C3orf70: variants seen among roughly 807,000 people sequenced by gnomAD.
C3orf70 encodes the protein UPF0524 protein C3orf70.
A neutral mutation model predicts 20.7 loss-of-function variants in C3orf70; 15 were observed. The observed-to-expected ratio is 0.72, with a 90% CI of 0.48 to 1.11. The LOEUF (loss-of-function observed/expected upper bound fraction) is 1.11, where lower values mean the gene tolerates loss of function less well. C3orf70 is among the 50% of genes most tolerant of loss of function. C3orf70 has a pLI of 0.00. For synonymous variants in C3orf70, 161 were observed against 125.7 expected (o/e 1.28, Z -1.88); for missense variants, 332 against 317.6 (o/e 1.05, Z -0.34).
intron 1 of C3orf70, among the ~76,000 whole-genome samples, chr3:185,084,193 ACAAC>A (rs1488827085): frequency 2.0e-5 from 3 of 150,484 alleles, no homozygotes; most frequent in Non-Finnish European, 4.4e-5. Context: ...AAAAAAAAAA[ACAAC>A]CAAGTTGTAA....
intron 1 of C3orf70, among the ~76,000 whole-genome samples, chr3:185,149,259 G>A (rs1485705653): frequency 6.6e-6 from 1 of 152,088 alleles, no homozygotes; most frequent in Admixed American, 6.6e-5. Flanking sequence ...AGGCGTGGTG[G>A]TGCATGCCTG....
chr3:185,110,826 T>C (rs1298491567), intron 1 of C3orf70, among the ~76,000 whole-genome samples: 1 of 152,258 alleles, frequency 6.6e-6, no homozygotes, highest in Non-Finnish European at 1.5e-5. Context: ...CATCCCTTCA[T>C]TTCCCATAAG....
At chr3:185,132,765 G>A (rs963445659) in intron 1 of C3orf70, among the ~76,000 whole-genome samples, 2 of 152,156 alleles carry the variant, frequency 1.3e-5, no homozygotes, top group African/African-American at 4.8e-5. Flanking sequence ...TGCACAGATT[G>A]AAGAAGCTAA....
intron 1 of C3orf70, among the ~76,000 whole-genome samples, chr3:185,122,999 A>G (rs1402065767): frequency 2.0e-5 from 3 of 151,484 alleles, no homozygotes; most frequent in African/African-American, 4.9e-5. Flanking sequence ...CTACTAAAAA[A>G]AAAAAGAAAA....
chr3:185,076,873 G>T lies in C3orf70; in HGVS notation c.*6134C>A, dbSNP rs777928842. 6.6e-6 allele frequency among the ~76,000 whole-genome samples: 1 copy of T among 152,216 alleles called. No homozygotes were observed. Among genetic ancestry groups the T allele is most frequent in the East Asian group, 1.9e-4 (1 of 5,194 alleles). ...AATTAAAGTTTATTGCAGAATAAAA[G>T]TGTGTGCAGTCAGCATTTGTAAGAG... On this transcript the variant is annotated 3_prime_UTR_variant, in exon 2 of 2. Transcript: ENST00000335012.
At position 185,077,789 on chromosome 3, in the gene C3orf70, T is replaced by TGGGGGGGGGG. The variant is rs10663284; in HGVS notation, c.*5208_*5217dup. On this transcript the variant is annotated 3_prime_UTR_variant, in exon 2 of 2. Transcript: ENST00000335012. ...TGAAATAAATGCTATTTGGTGGTGG[T>TGGGGGGGGGG]GGGGGGGGGGTATCAAGTTTTATTT... 4.0e-5 allele frequency among the ~76,000 whole-genome samples: 5 copies of TGGGGGGGGGG among 124,212 alleles called. No individual in the cohort carries two copies. The highest frequency in any genetic ancestry group is 2.9e-4 in the South Asian group (1 of 3,490). 81.5% of individuals were successfully genotyped at this position (124,212 alleles called of 152,430 possible). A position where few individuals can be genotyped will look rare whatever the true frequency, so the allele number is the denominator to read the frequency against.
intron 1 of C3orf70, among the ~76,000 whole-genome samples, chr3:185,125,283 G>A (rs1336900001): frequency 6.6e-6 from 1 of 152,042 alleles, no homozygotes; most frequent in Non-Finnish European, 1.5e-5. Flanking sequence ...GGAGGCTTGA[G>A]GCAGGAGAAT....
At chr3:185,104,003 C>T (rs556499504) in intron 1 of C3orf70, among the ~76,000 whole-genome samples, 22 of 152,298 alleles carry the variant, frequency 1.4e-4, no homozygotes, top group African/African-American at 5.1e-4. Flanking sequence ...CACAACTACA[C>T]AGATAAGGGA....
chr3:185,132,370 GT>G (rs1716539496), intron 1 of C3orf70, among the ~76,000 whole-genome samples: 1 of 150,858 alleles, frequency 6.6e-6, no homozygotes, highest in South Asian at 2.1e-4. Context: ...AAATGAGGAA[GT>G]CTTTTTCAAA....
intron 1 of C3orf70, among the ~76,000 whole-genome samples, chr3:185,144,377 G>A (rs1716814108): frequency 6.6e-6 from 1 of 152,184 alleles, no homozygotes. Flanking sequence ...ACATTACCTA[G>A]TATTTCCACT....
chr3:185,082,910 G>T lies in C3orf70; in HGVS notation c.*97C>A. On this transcript the variant is annotated 3_prime_UTR_variant, in exon 2 of 2. Coordinates refer to ENST00000335012, the MANE Select transcript of C3orf70 (RefSeq NM_001025266.3). Reference sequence around the variant, plus strand: ...GTTGTTGGTTGGAGCGGGGCGGGGTGGGTAGAAAATATCAACAGCATTGGA... The same window carrying T: ...GTTGTTGGTTGGAGCGGGGCGGGGTTGGTAGAAAATATCAACAGCATTGGA... The T allele has an allele frequency of 8.0e-7, 1 of 1,251,252 alleles. No individual in the cohort carries two copies. Among genetic ancestry groups the T allele is most frequent in the Non-Finnish European group, 1.1e-6 (1 of 887,328 alleles). The allele number at this position is 1,251,252 out of a possible 1,614,324, so 77.5% of individuals were successfully genotyped here. A position where few individuals can be genotyped will look rare whatever the true frequency, so the allele number is the denominator to read the frequency against.
At chr3:185,091,619 T>C (rs1003551908) in intron 1 of C3orf70, among the ~76,000 whole-genome samples, 1 of 150,960 alleles carries the variant, frequency 6.6e-6, no homozygotes, top group Middle Eastern at 3.4e-3. Flanking sequence ...CCCAGGGGAG[T>C]TAGGACAAAG....
chr3:185,134,545 T>C (rs35832219), intron 1 of C3orf70, among the ~76,000 whole-genome samples: 10,620 of 151,988 alleles, frequency 0.07, 433 homozygotes, highest in South Asian at 0.1. Context: ...AAGTTGTCAA[T>C]CAGGAAACAT....
At chr3:185,136,909 AAACAAC>A (rs146226983) in intron 1 of C3orf70, among the ~76,000 whole-genome samples, 62,817 of 149,534 alleles carry the variant, frequency 0.42, 13,565 homozygotes, top group East Asian at 0.72. Context: ...GACTGTCTCA[AAACAAC>A]AACAACAACA....
At chr3:185,089,898 TATG>T (rs745816642) in intron 1 of C3orf70, among the ~76,000 whole-genome samples, 81 of 152,332 alleles carry the variant, frequency 5.3e-4, no homozygotes, top group Admixed American at 1.8e-3. Context: ...TCATAATATT[TATG>T]ATGTTTTCCT....
At chr3:185,151,357 T>C (rs1426210859) in intron 1 of C3orf70, among the ~76,000 whole-genome samples, 3 of 152,200 alleles carry the variant, frequency 2.0e-5, no homozygotes, top group African/African-American at 7.2e-5. Flanking sequence ...CAGATTCTAC[T>C]TGTGCACTTC....
rs942544354 is a variant in C3orf70, at chr3:185,106,687, C to T, written c.197-23124G>A. Among the ~76,000 whole-genome samples, 10 of 152,226 alleles carry T rather than the reference C, an allele frequency of 6.6e-5. No individual in the cohort carries two copies. The South Asian group carries it at 1.2e-3, about 19-fold the overall frequency. The stretch of plus-strand genomic sequence containing the variant: ...TCACCCCTGTACAATGTCTGTCCCC[C>T]GCCACAGCCGGTAGTGCCGCAGTAG... On this transcript the variant is annotated intron_variant, in intron 1 of 1. Coordinates refer to ENST00000335012, the MANE Select transcript of C3orf70 (RefSeq NM_001025266.3).
intron 1 of C3orf70, among the ~76,000 whole-genome samples, chr3:185,116,449 G>T (rs1577327076): frequency 1.3e-5 from 2 of 152,298 alleles, no homozygotes; most frequent in African/African-American, 4.8e-5. Flanking sequence ...TTAATTCAGG[G>T]TTTCTGTTAT....
At chr3:185,086,844 A>C (rs73885670) in intron 1 of C3orf70, among the ~76,000 whole-genome samples, 3,693 of 152,326 alleles carry the variant, frequency 0.024, 124 homozygotes, top group African/African-American at 0.083. Context: ...ATAAAAAAAC[A>C]ACCTTTAGTA....
Sources: allele counts gnomAD v4.1 joint callset (sites outside exome capture counted in the v4.1 genomes callset), GRCh38; gene constraint gnomAD v4.1.1; transcripts MANE v1.5; gene names NCBI Gene and HGNC (gene_info 2026-07-23, HGNC 2026-07-21).